The following USP28 variants were observed in gnomAD, a reference collection of about 807,000 sequenced individuals.
USP28 encodes the protein ubiquitin carboxyl-terminal hydrolase 28.
USP28 carries 113 observed loss-of-function variants against 145.0 expected under a neutral mutation model. That is an observed-to-expected ratio of 0.78 (90% CI 0.67 to 0.91). The LOEUF is 0.91. USP28 is among the 40% of genes least tolerant of loss of function. USP28 has a pLI of 0.00. For synonymous variants in USP28, 447 were observed against 450.9 expected (o/e 0.99, Z 0.11); for missense variants, 1,201 against 1,289.6 (o/e 0.93, Z 1.05).
chr11:113,827,487 A>C, intron 10 of USP28, 127 bp from the exon 11 acceptor site: 20 of 910,046 alleles, frequency 2.2e-5, no homozygotes, highest in African/African-American at 5.2e-5. Context: ...AGGCAAACTC[A>C]TACTAGAACT....
At chr11:113,829,145 C>T in intron 10 of USP28, 52 bp downstream of exon 10, 1 of 1,598,624 alleles carries the variant, frequency 6.3e-7, no homozygotes, top group East Asian at 2.2e-5. Context: ...AAAGCTCACT[C>T]CTACTTAACT....
intron 10 of USP28, among the ~76,000 whole-genome samples, chr11:113,827,618 A>C (rs1416533399): frequency 6.6e-6 from 1 of 152,206 alleles, no homozygotes; most frequent in African/African-American, 2.4e-5. Flanking sequence ...TTACTCAACC[A>C]TCATCCTCAG....
In USP28 at chr11:113,806,406, C is replaced by A. The variant is rs1050589944; in HGVS notation, c.2400+83G>T. 1.3e-4 allele frequency: 157 copies of A among 1,223,318 alleles called. 3 individuals carry two copies. The highest frequency in any genetic ancestry group is 1.3e-4 in the Non-Finnish European group (110 of 858,188). The allele number at this position is 1,223,318 out of a possible 1,614,324, so 75.8% of individuals were successfully genotyped here. ...ACACCACCACACCCAGCCTTAACCC[C>A]ATTTTTTCCCTTCTTATAGAATTAT... On this transcript the variant is annotated intron_variant, in intron 19 of 24. Transcript: ENST00000003302.
At chr11:113,842,247 A>G (rs1253165445) in intron 3 of USP28, among the ~76,000 whole-genome samples, 1 of 152,080 alleles carries the variant, frequency 6.6e-6, no homozygotes, top group Non-Finnish European at 1.5e-5. Context: ...TAAACAAAAT[A>G]TTAGCAAATA....
chr11:113,801,879 T>A (rs1939094826), intron 23 of USP28, among the ~76,000 whole-genome samples: 1 of 152,232 alleles, frequency 6.6e-6, no homozygotes, highest in African/African-American at 2.4e-5. Context: ...TGGGATTTTA[T>A]GAAAGCTCCC....
intron 7 of USP28, among the ~76,000 whole-genome samples, 177 bp from the exon 8 acceptor site, chr11:113,832,170 C>T (rs955355880): frequency 4.6e-5 from 7 of 152,004 alleles, no homozygotes; most frequent in African/African-American, 7.2e-5. Flanking sequence ...AGTGCAGTGG[C>T]GCGATCTCAG....
At chr11:113,840,784 A>C in intron 4 of USP28, 27 bp from the exon 5 acceptor site, 1 of 1,590,602 alleles carries the variant, frequency 6.3e-7, no homozygotes, top group Non-Finnish European at 8.6e-7. Flanking sequence ...GCCACACAGC[A>C]AAAAAGAAAA....
chr11:113,864,897 C>A (rs1024259217), intron 1 of USP28, among the ~76,000 whole-genome samples: 1 of 152,114 alleles, frequency 6.6e-6, no homozygotes, highest in Non-Finnish European at 1.5e-5. Context: ...TCTCTGTCAC[C>A]CAGGCTAGAG....
At position 113,832,236 on chromosome 11, in the gene USP28, A is replaced by G. The variant is rs566283902; in HGVS notation, c.760-243T>C. ...GCGATTCTCCTGCCTCAGCCTCCCA[A>G]GTAGCTGGGATTACAGGCACATGCC... On this transcript the variant is annotated intron_variant, in intron 7 of 24. Transcript: ENST00000003302. Among the ~76,000 whole-genome samples, 279 of 152,144 alleles carry G rather than the reference A, an allele frequency of 1.8e-3. 1 individual carries two copies. Among genetic ancestry groups the G allele is most frequent in the African/African-American group, 6.2e-3 (259 of 41,506 alleles).
intron 13 of USP28, among the ~76,000 whole-genome samples, chr11:113,815,685 A>G (rs866033230): frequency 2.6e-5 from 4 of 152,246 alleles, no homozygotes; most frequent in Non-Finnish European, 4.4e-5. Context: ...CAGATCGGCC[A>G]GTCTTTAGCT....
At chr11:113,873,933 G>A (rs1949080978) in intron 1 of USP28, among the ~76,000 whole-genome samples, 2 of 151,316 alleles carry the variant, frequency 1.3e-5, no homozygotes, top group Non-Finnish European at 2.9e-5. Context: ...ATGAGGTCAA[G>A]AGACCGAGAC....
intron 1 of USP28, 51 bp downstream of exon 1, chr11:113,875,394 C>T: frequency 8.3e-7 from 1 of 1,204,740 alleles, no homozygotes; most frequent in Non-Finnish European, 1.0e-6. Context: ...GCACGCTCCC[C>T]TCAGGGCCTG....
intron 1 of USP28, among the ~76,000 whole-genome samples, chr11:113,867,584 T>C (rs1948404613): frequency 6.6e-6 from 1 of 151,606 alleles, no homozygotes. Context: ...AAAAATCACC[T>C]GGGTGCAGTG....
intron 21 of USP28, 52 bp downstream of exon 22, chr11:113,804,621 T>A: frequency 6.5e-7 from 1 of 1,530,900 alleles, no homozygotes; most frequent in Non-Finnish European, 8.9e-7. Flanking sequence ...CAGGTACCAT[T>A]TACCTCAGGA....
chr11:113,812,553 G>A lies in USP28; in HGVS notation c.1744-49C>T, dbSNP rs1291036834. On this transcript the variant is annotated intron_variant, in intron 15 of 24. Transcript: ENST00000003302. ...CCAGTCAGGTGAAGCAAAGTAATCT[G>A]ATAAAGTTTAGGTTATTAAGAAATT... 4 of 1,533,336 alleles carry A rather than the reference G, an allele frequency of 2.6e-6. No homozygotes were observed. The South Asian group carries it at 3.4e-5, about 13-fold the overall frequency. 95.0% of individuals were successfully genotyped at this position (1,533,336 alleles called of 1,614,324 possible).
At chr11:113,832,075 T>A in intron 7 of USP28, 82 bp from the exon 8 acceptor site, 1 of 1,153,430 alleles carries the variant, frequency 8.7e-7, no homozygotes, top group Non-Finnish European at 1.3e-6. Flanking sequence ...ACCAATGAAT[T>A]AAGATTATAC....
At chr11:113,821,859 C>A in intron 12 of USP28, 1 of 161,066 alleles carries the variant, frequency 6.2e-6, no homozygotes. Context: ...TCCACCAAAT[C>A]CCGATTGAGG....
intron 7 of USP28, 138 bp downstream of exon 7, chr11:113,833,282 C>CA (rs959522461): frequency 1.4e-5 from 18 of 1,249,392 alleles, no homozygotes; most frequent in Non-Finnish European, 2.0e-5. Context: ...GTTCTGTAGG[C>CA]AAAACAAAAG....
intron 1 of USP28, among the ~76,000 whole-genome samples, chr11:113,855,567 C>T (rs1591441087): frequency 6.6e-6 from 1 of 152,282 alleles, no homozygotes; most frequent in East Asian, 1.9e-4. Flanking sequence ...GCTGTGGGCC[C>T]AATGCAACAC....
Sources: allele counts gnomAD v4.1 joint callset (sites outside exome capture counted in the v4.1 genomes callset), GRCh38; gene constraint gnomAD v4.1.1; transcripts MANE v1.5; gene names NCBI Gene and HGNC (gene_info 2026-07-23, HGNC 2026-07-21).